SLC22A24: variants seen among roughly 807,000 people sequenced by gnomAD.
SLC22A24 encodes steroid transmembrane transporter SLC22A24.
A neutral mutation model predicts 49.8 loss-of-function variants in SLC22A24; 53 were observed. The ratio of observed to expected loss-of-function variants is 1.06; its 90% confidence interval spans 0.85 to 1.34. The LOEUF is 1.34. Ranked by LOEUF, SLC22A24 falls within the 40% of genes most tolerant of loss-of-function variation. SLC22A24 has a pLI of 0.00. For synonymous variants in SLC22A24, 302 were observed against 256.4 expected (o/e 1.18, Z -1.70); for missense variants, 786 against 675.9 (o/e 1.16, Z -1.81).
intron 4 of SLC22A24, among the ~76,000 whole-genome samples, chr11:63,115,370 CCAGGCATG>C (rs2087204999): frequency 6.6e-6 from 1 of 152,202 alleles, no homozygotes; most frequent in Non-Finnish European, 1.5e-5. Flanking sequence ...ACCCAGTGAG[CCAGGCATG>C]GGAGAGTATC....
chr11:63,109,828 C>T (rs2087149184), intron 4 of SLC22A24, among the ~76,000 whole-genome samples: 1 of 151,308 alleles, frequency 6.6e-6, no homozygotes, highest in South Asian at 2.1e-4. Context: ...GTTTCTTTTG[C>T]TGTGCAGAAG....
chr11:63,122,895 T>G (rs2087262088), intron 2 of SLC22A24, among the ~76,000 whole-genome samples: 1 of 152,192 alleles, frequency 6.6e-6, no homozygotes, highest in South Asian at 2.1e-4. Flanking sequence ...ATACTTATAA[T>G]GTACAGTAAT....
intron 4 of SLC22A24, among the ~76,000 whole-genome samples, chr11:63,105,941 A>G (rs1185556609): frequency 6.6e-6 from 1 of 151,824 alleles, no homozygotes; most frequent in Admixed American, 6.6e-5. Flanking sequence ...AAATTTTATT[A>G]TTATTATACT....
intron 2 of SLC22A24, among the ~76,000 whole-genome samples, chr11:63,128,243 AAG>A (rs759451774): frequency 2.6e-4 from 40 of 152,252 alleles, no homozygotes; most frequent in Non-Finnish European, 4.7e-4. Context: ...ACCAGAAGAC[AAG>A]AGTGTGAGCC....
At chr11:63,114,803 A>T (rs2087199888) in intron 4 of SLC22A24, among the ~76,000 whole-genome samples, 1 of 152,066 alleles carries the variant, frequency 6.6e-6, no homozygotes, top group South Asian at 2.1e-4. Context: ...TTTTCCTTCT[A>T]ACAGCCAGGT....
At chr11:63,083,527 T>C in intron 6 of SLC22A24, 70 bp from the exon 7 acceptor site, 1 of 1,315,888 alleles carries the variant, frequency 7.6e-7, no homozygotes. Context: ...TTCTGAGATT[T>C]TGAAGGTAAG....
chr11:63,125,353 T>C (rs1276936639), intron 2 of SLC22A24, among the ~76,000 whole-genome samples: 10 of 152,224 alleles, frequency 6.6e-5, no homozygotes, highest in Admixed American at 2.6e-4. Context: ...TTCCCCTCCC[T>C]GTGTCCATGT....
intron 6 of SLC22A24, among the ~76,000 whole-genome samples, chr11:63,086,576 C>T (rs1339078296): frequency 1.3e-5 from 2 of 152,134 alleles, no homozygotes; most frequent in Non-Finnish European, 2.9e-5. Context: ...CAAGCCTGCT[C>T]ATGTACCCTT....
At chr11:63,102,986 G>T (rs2087100254) in intron 5 of SLC22A24, among the ~76,000 whole-genome samples, 1 of 152,072 alleles carries the variant, frequency 6.6e-6, no homozygotes. Context: ...AAACACAAAG[G>T]TCCTATAGTT....
chr11:63,086,853 A>T (rs893551987), intron 6 of SLC22A24, among the ~76,000 whole-genome samples: 2 of 152,192 alleles, frequency 1.3e-5, no homozygotes, highest in Admixed American at 6.5e-5. Flanking sequence ...ATCTCTCATA[A>T]CATCATAGTG....
intron 4 of SLC22A24, among the ~76,000 whole-genome samples, chr11:63,112,577 T>C (rs189110215): frequency 1.9e-3 from 282 of 152,232 alleles, no homozygotes; most frequent in African/African-American, 6.6e-3. Flanking sequence ...TTCTGGATTC[T>C]TTGATTTTTT....
At chr11:63,127,619 T>C (rs1373636606) in intron 2 of SLC22A24, among the ~76,000 whole-genome samples, 1 of 152,214 alleles carries the variant, frequency 6.6e-6, no homozygotes, top group African/African-American at 2.4e-5. Context: ...TTCCTATTTC[T>C]CCACATCCTC....
At chr11:63,115,846 C>G (rs2087209113) in intron 4 of SLC22A24, 1 of 216,662 alleles carries the variant, frequency 4.6e-6, no homozygotes, top group Non-Finnish European at 9.3e-6. Context: ...TGCACCATTC[C>G]TTCTGTCCTC....
chr11:63,107,774 C>T (rs1479379906), intron 4 of SLC22A24, among the ~76,000 whole-genome samples: 1 of 152,066 alleles, frequency 6.6e-6, no homozygotes, highest in East Asian at 1.9e-4. Context: ...GATTTTCGCA[C>T]ACTGATTTTG....
intron 2 of SLC22A24, among the ~76,000 whole-genome samples, chr11:63,131,805 C>T (rs1204863301): frequency 6.6e-6 from 1 of 152,098 alleles, no homozygotes; most frequent in Non-Finnish European, 1.5e-5. Flanking sequence ...CTCTGTATTT[C>T]CTGGATTTGA....
At chr11:63,129,875 G>A (rs2087321092) in intron 2 of SLC22A24, among the ~76,000 whole-genome samples, 1 of 152,154 alleles carries the variant, frequency 6.6e-6, no homozygotes, top group African/African-American at 2.4e-5. Context: ...AGGAGATTTT[G>A]GCTGAGATGA....
chr11:63,112,822 G>T lies in SLC22A24; in HGVS notation c.830+6090C>A, dbSNP rs1339932158. On this transcript the variant is annotated intron_variant, in intron 4 of 9. Coordinates refer to ENST00000612278, the MANE Select transcript of SLC22A24 (RefSeq NM_001136506.2). ...AGGTCAGGAGATTGAGACCATCGTG[G>T]CTAATATGGTGAAACCCCGTCTCTA... Among the ~76,000 whole-genome samples the T allele has an allele frequency of 2.7e-5, 4 of 150,912 alleles. No homozygotes were observed. In the East Asian group the frequency reaches 7.8e-4, roughly 29 times the overall value.
At chr11:63,093,320 G>T (rs1182573753) in intron 6 of SLC22A24, among the ~76,000 whole-genome samples, 1 of 152,132 alleles carries the variant, frequency 6.6e-6, no homozygotes. Flanking sequence ...AATATTATTT[G>T]ACCCAGCAAT....
At chr11:63,108,069 T>C (rs1315725156) in intron 4 of SLC22A24, among the ~76,000 whole-genome samples, 2 of 152,138 alleles carry the variant, frequency 1.3e-5, no homozygotes, top group East Asian at 3.8e-4. Context: ...TGGCTGTGGG[T>C]TTGTTATAAA....
Sources: gnomAD v4.1 joint callset for allele counts (sites outside exome capture counted in the v4.1 genomes callset) on GRCh38, gnomAD v4.1.1 for gene constraint, MANE v1.5 for transcripts, NCBI Gene and HGNC (gene_info 2026-07-23, HGNC 2026-07-21) for gene names.